The following AIM2 variants were observed in gnomAD, a reference collection of about 807,000 sequenced individuals.
AIM2 encodes absent in melanoma 2.
A neutral mutation model predicts 27.7 loss-of-function variants in AIM2; 30 were observed. The observed-to-expected ratio is 1.08, with a 90% CI of 0.81 to 1.47. The LOEUF is 1.47. Among genes scored for constraint, AIM2 ranks in the 40% most tolerant of loss-of-function variants. The probability of loss-of-function intolerance (pLI) is 0.00; values close to 1 mark genes in which losing one functional copy is unlikely to be tolerated. For synonymous variants in AIM2, 141 were observed against 145.3 expected, an observed-to-expected ratio of 0.97 and a Z score of 0.21; for missense variants, 358 against 411.3, an observed-to-expected ratio of 0.87 and a Z score of 1.12.
chr1:159,080,682 T>C (rs1656755916), upstream of AIM2, among the ~76,000 whole-genome samples: 1 of 152,230 alleles, frequency 6.6e-6, no homozygotes, highest in African/African-American at 2.4e-5. Context: ...GCTGTTGGTC[T>C]TGACACAACA....
chr1:159,072,262 C>T (rs188731426), intron 2 of AIM2, among the ~76,000 whole-genome samples: 1 of 152,288 alleles, frequency 6.6e-6, no homozygotes, highest in Admixed American at 6.5e-5. Context: ...TTAGAAACTA[C>T]CTAACAGTTT....
At chr1:159,140,544 C>G (rs991130612), upstream of AIM2, 1 of 152,222 alleles carries the variant, frequency 6.6e-6, no homozygotes, top group Non-Finnish European at 1.5e-5. Context: ...CAGAGTCCCG[C>G]ATGGGAGAGA....
At chr1:159,128,340 G>A (rs1219963755) in intron 1 of AIM2, among the ~76,000 whole-genome samples, 1 of 151,828 alleles carries the variant, frequency 6.6e-6, no homozygotes, top group Non-Finnish European at 1.5e-5. Context: ...TACACGAGTG[G>A]CCTGTCCAGA....
At chr1:159,146,607 A>T (rs1648212496) in intron 1 of AIM2, among the ~76,000 whole-genome samples, 1 of 152,092 alleles carries the variant, frequency 6.6e-6, no homozygotes, top group Admixed American at 6.5e-5. Context: ...TATAATGCCC[A>T]ATTTATTGGC....
chr1:159,058,233 C>T (rs1475807972), downstream of AIM2, among the ~76,000 whole-genome samples: 1 of 152,018 alleles, frequency 6.6e-6, no homozygotes, highest in African/African-American at 2.4e-5. Flanking sequence ...CCTGTAGTCC[C>T]AGCTACTTGG....
chr1:159,081,478 G>T (rs937735800), upstream of AIM2: 10 of 510,236 alleles, frequency 2.0e-5, no homozygotes, highest in Non-Finnish European at 4.0e-5. Context: ...TCTGGGAAAT[G>T]CTTCAGAGCC....
chr1:159,119,281 C>T (rs1190827932), intron 1 of AIM2, among the ~76,000 whole-genome samples: 1 of 151,962 alleles, frequency 6.6e-6, no homozygotes, highest in Non-Finnish European at 1.5e-5. Context: ...CTGACAAATA[C>T]AAACAGGGTG....
chr1:159,064,287 G>GA (rs1276194073), intron 4 of AIM2, among the ~76,000 whole-genome samples: 1 of 152,212 alleles, frequency 6.6e-6, no homozygotes, highest in African/African-American at 2.4e-5. Flanking sequence ...GTCTTACTTA[G>GA]AACATGTTGT....
upstream of AIM2, among the ~76,000 whole-genome samples, chr1:159,141,794 C>T (rs886893522): frequency 4.6e-5 from 7 of 152,088 alleles, no homozygotes; most frequent in Admixed American, 3.9e-4. Context: ...ACAGGGACAG[C>T]TGGAAAATCT....
chr1:159,085,882 G>C (rs946744313), intron 1 of AIM2, among the ~76,000 whole-genome samples: 2 of 152,342 alleles, frequency 1.3e-5, no homozygotes, highest in African/African-American at 4.8e-5. Flanking sequence ...GTGTACTTGA[G>C]TATCGCTAAG....
chr1:159,082,152 T>A (rs900748568), intron 1 of AIM2, among the ~76,000 whole-genome samples: 1 of 152,192 alleles, frequency 6.6e-6, no homozygotes, highest in Non-Finnish European at 1.5e-5. Flanking sequence ...AGAATTGGCA[T>A]TCTTGACAAC....
At chr1:159,056,204 C>A in the AIM2 span, among the ~76,000 whole-genome samples, 2 of 152,160 alleles carry the variant, frequency 1.3e-5, no homozygotes, top group African/African-American at 4.8e-5. Context: ...GCCAGACTCC[C>A]TGCTTGTGGG....
At chr1:159,087,197 C>A (rs1570956482) in intron 1 of AIM2, among the ~76,000 whole-genome samples, 1 of 152,146 alleles carries the variant, frequency 6.6e-6, no homozygotes, top group African/African-American at 2.4e-5. Flanking sequence ...AGGCTCCCAA[C>A]CCAACAGTCT....
At chr1:159,112,899 T>G (rs1657606044) in intron 1 of AIM2, among the ~76,000 whole-genome samples, 1 of 151,294 alleles carries the variant, frequency 6.6e-6, no homozygotes, top group South Asian at 2.1e-4. Context: ...GAATACAGTT[T>G]TATACTCTGA....
chr1:159,062,441 G>A, downstream of AIM2: 1 of 537,942 alleles, frequency 1.9e-6, no homozygotes, highest in South Asian at 2.5e-5. Context: ...ATTTTCGCTT[G>A]AGACAAGGGA....
At chr1:159,099,193 C>T (rs978563519) in intron 1 of AIM2, among the ~76,000 whole-genome samples, 1 of 152,048 alleles carries the variant, frequency 6.6e-6, no homozygotes, top group Non-Finnish European at 1.5e-5. Context: ...GACTAATACA[C>T]ACTGAGAAAA....
At chr1:159,109,472 GA>G (rs1254633424) in intron 1 of AIM2, among the ~76,000 whole-genome samples, 1 of 152,174 alleles carries the variant, frequency 6.6e-6, no homozygotes, top group South Asian at 2.1e-4. Context: ...GATAACATTG[GA>G]AAAAACCCTT....
rs555422947 is a variant in AIM2 at position 159,095,407 on chromosome 1, T to C, written c.-15-29078A>G. Among the ~76,000 whole-genome samples, 94 of 152,304 alleles carry C rather than the reference T, an allele frequency of 6.2e-4. 2 individuals carry two copies. The South Asian group carries it at 0.018, about 30-fold the overall frequency. ...GTAGTGGTTGCATGTACTTGAGCCA[T>C]GAATTCTCAGTACTGAGGGCTCAGG... On this transcript the variant is annotated intron_variant, in intron 1 of 2. Coordinates refer to the AIM2 transcript ENST00000368129.
the AIM2 span, chr1:159,055,056 T>A: frequency 1.7e-5 from 7 of 409,308 alleles, no homozygotes; most frequent in East Asian, 1.5e-4. Flanking sequence ...AGTGCTTTTT[T>A]AATTTTTCAT....
Sources: gnomAD v4.1 joint callset for allele counts (sites outside exome capture counted in the v4.1 genomes callset) on GRCh38, gnomAD v4.1.1 for gene constraint, MANE v1.5 for transcripts, NCBI Gene and HGNC (gene_info 2026-07-23, HGNC 2026-07-21) for gene names.